The following DPPA2 variants were observed in gnomAD, a reference collection of about 807,000 sequenced individuals.
DPPA2 encodes developmental pluripotency associated 2, also known as developmental pluripotency-associated protein 2.
DPPA2 carries 26 observed loss-of-function variants against 36.2 expected under a neutral mutation model. That is an observed-to-expected ratio of 0.72 (90% CI 0.53 to 1.00). The LOEUF (loss-of-function observed/expected upper bound fraction) is 1.00. Ranked by LOEUF, DPPA2 falls within the 50% of genes least tolerant of loss-of-function variation. DPPA2 has a pLI of 0.00. For synonymous variants in DPPA2, 113 were observed against 123.2 expected (o/e 0.92, Z 0.55); for missense variants, 361 against 365.1 (o/e 0.99, Z 0.09).
intron 3 of DPPA2, among the ~76,000 whole-genome samples, chr3:109,310,171 T>C (rs1404406535): frequency 2.1e-5 from 3 of 144,022 alleles, no homozygotes; most frequent in Admixed American, 7.2e-5. Flanking sequence ...GAGGTTGTGG[T>C]GAGCCAAGAT....
chr3:109,298,049 T>A (rs1301209242), intron 8 of DPPA2, among the ~76,000 whole-genome samples: 3 of 152,128 alleles, frequency 2.0e-5, no homozygotes, highest in Non-Finnish European at 4.4e-5. Context: ...AGTTCAAGGC[T>A]GCAATGAGCT....
chr3:109,304,341 T>TTTTTGCCTATTTTGCCTA lies in DPPA2; in HGVS notation c.854+133_854+134insTAGGCAAAATAGGCAAAA, dbSNP rs1707509740. ...ACTAGTGAGTTCTTCTTGCATCCTA[T>TTTTTGCCTATTTTGCCTA]TTTTGCCTGATCTATGTGGCAAATT... On this transcript the variant is annotated intron_variant, in intron 7 of 8. Transcript: ENST00000478945. 4 of 865,316 alleles carry TTTTTGCCTATTTTGCCTA rather than the reference T, an allele frequency of 4.6e-6. No homozygotes were observed. In the South Asian group the frequency reaches 8.2e-5, roughly 18 times the overall value. 53.6% of individuals were successfully genotyped at this position (865,316 alleles called of 1,614,324 possible).
At chr3:109,307,780 G>C (rs1707605725) in intron 6 of DPPA2, among the ~76,000 whole-genome samples, 2 of 152,038 alleles carry the variant, frequency 1.3e-5, no homozygotes, top group Non-Finnish European at 2.9e-5. Flanking sequence ...TCAGACTGTG[G>C]TCCAAGATTA....
intron 3 of DPPA2, among the ~76,000 whole-genome samples, chr3:109,310,654 C>T (rs532931792): frequency 1.3e-4 from 20 of 149,488 alleles, no homozygotes; most frequent in South Asian, 1.1e-3. Flanking sequence ...TACAGGCACG[C>T]GCCACCATGC....
intron 1 of DPPA2, among the ~76,000 whole-genome samples, chr3:109,315,941 G>C (rs1404340935): frequency 6.6e-6 from 1 of 152,164 alleles, no homozygotes; most frequent in Admixed American, 6.5e-5. Context: ...GTTTACTGAG[G>C]AACTGATTGG....
chr3:109,308,365 ATTCT>A lies in DPPA2; in HGVS notation c.397-76_397-73del. 8 of 1,508,878 alleles carry A rather than the reference ATTCT, an allele frequency of 5.3e-6. No homozygotes were observed. In the South Asian group the frequency reaches 1.1e-4, roughly 20 times the overall value. The allele number at this position is 1,508,878 out of a possible 1,614,324, so 93.5% of individuals were successfully genotyped here. A position where few individuals can be genotyped will look rare whatever the true frequency, so the allele number is the denominator to read the frequency against. On this transcript the variant is annotated intron_variant, in intron 5 of 8. Coordinates refer to ENST00000478945, the MANE Select transcript of DPPA2 (RefSeq NM_138815.4). Reference sequence around the variant, plus strand: ...TAAGGACTTTTGGGTCAATTTTATTATTCTTTTTTTTTTTGAGACGGAGTCTCGC... The same window carrying A: ...TAAGGACTTTTGGGTCAATTTTATTATTTTTTTTTTGAGACGGAGTCTCGC...
chr3:109,304,366 TAAG>T (rs1353735494), intron 7 of DPPA2, 106 bp downstream of exon 7: 2 of 1,187,282 alleles, frequency 1.7e-6, no homozygotes, highest in East Asian at 2.7e-5. Flanking sequence ...TGTGGCAAAT[TAAG>T]AAGACAGCAT....
At chr3:109,304,357 G>C (rs1277835241) in intron 7 of DPPA2, 118 bp downstream of exon 7, 1 of 1,072,530 alleles carries the variant, frequency 9.3e-7, no homozygotes, top group Non-Finnish European at 1.3e-6. Context: ...CCTGATCTAT[G>C]TGGCAAATTA....
intron 2 of DPPA2, among the ~76,000 whole-genome samples, chr3:109,313,152 T>A (rs1707737898): frequency 6.6e-6 from 1 of 152,256 alleles, no homozygotes; most frequent in Admixed American, 6.5e-5. Flanking sequence ...CTGCTATTTC[T>A]GCACCGATTG....
In DPPA2 at chr3:109,304,592, C is replaced by G. The variant is rs1362222184; in HGVS notation, c.737G>C (p.Gly246Ala). ...GTGAGTGGTAGGCACCCAGGCCTGA[C>G]CTGCATGAAACTGCAGGCGTACCCA... Reference protein sequence around the residue: ...KGWVRLQFHAGQAWVPTTHRR... With the variant: ...KGWVRLQFHAAQAWVPTTHRR... Residue 246 changes from glycine (G) to alanine (A), a missense_variant, in exon 7 of 9, where the codon GGT becomes GCT. Gly to Ala is a moderately conservative substitution (Grantham distance 60). Coordinates refer to ENST00000478945, the MANE Select transcript of DPPA2 (RefSeq NM_138815.4). 1 of 1,614,052 alleles carries G rather than the reference C, an allele frequency of 6.2e-7. No individual in the cohort carries two copies.
chr3:109,301,040 G>C (rs1226050975), intron 7 of DPPA2, among the ~76,000 whole-genome samples: 1 of 148,836 alleles, frequency 6.7e-6, no homozygotes, highest in Non-Finnish European at 1.5e-5. Flanking sequence ...CTGGAGTGCA[G>C]TGGCACTATC....
At chr3:109,299,647 T>C (rs1371044433) in intron 8 of DPPA2, among the ~76,000 whole-genome samples, 9 of 149,820 alleles carry the variant, frequency 6.0e-5, no homozygotes, top group Non-Finnish European at 1.3e-4. Flanking sequence ...GATCTCATCA[T>C]TGTACTCCAG....
chr3:109,301,161 T>C (rs1214018599), intron 7 of DPPA2, among the ~76,000 whole-genome samples: 2 of 151,600 alleles, frequency 1.3e-5, no homozygotes, highest in Non-Finnish European at 1.5e-5. Context: ...TTTTTTTATA[T>C]AGAGACAGGG....
At chr3:109,307,305 T>C (rs1707589738) in intron 6 of DPPA2, among the ~76,000 whole-genome samples, 1 of 151,878 alleles carries the variant, frequency 6.6e-6, no homozygotes, top group Non-Finnish European at 1.5e-5. Context: ...CTTCATTTTA[T>C]ATAACAGGAT....
At chr3:109,308,420 T>C in intron 5 of DPPA2, 127 bp from the exon 6 acceptor site, 1 of 1,284,738 alleles carries the variant, frequency 7.8e-7, no homozygotes, top group Non-Finnish European at 1.0e-6. Context: ...TGGAGTGCAA[T>C]GGCACGATCT....
At position 109,312,721 on chromosome 3, in the gene DPPA2, C is replaced by A. The variant is rs774576571; in HGVS notation, c.34-29G>T. 2.5e-6 allele frequency: 4 copies of A among 1,610,678 alleles called. No individual in the cohort carries two copies. The East Asian group carries it at 8.9e-5, about 36-fold the overall frequency. ...GAAAGAGAAGTCAGTCACTGATTTT[C>A]ATTTGATGCGGTACAACTAAACTGC... On this transcript the variant is annotated intron_variant, in intron 2 of 8. Coordinates refer to ENST00000478945, the MANE Select transcript of DPPA2 (RefSeq NM_138815.4).
chr3:109,315,031 A>T (rs1032235134), intron 1 of DPPA2, among the ~76,000 whole-genome samples: 1 of 152,160 alleles, frequency 6.6e-6, no homozygotes, highest in African/African-American at 2.4e-5. Context: ...GCACCACTGC[A>T]CTCCAGCTTC....
At position 109,304,271 on chromosome 3, in the gene DPPA2, C is replaced by G. The variant is rs191012886; in HGVS notation, c.854+204G>C. ...CTGGGCGAGAAGAGCAAAACTCCAT[C>G]TCAAAAAAAAAAAAGAACTAGCCAC... On this transcript the variant is annotated intron_variant, in intron 7 of 8. Coordinates refer to ENST00000478945, the MANE Select transcript of DPPA2 (RefSeq NM_138815.4). 8.2e-4 allele frequency among the ~76,000 whole-genome samples: 123 copies of G among 149,888 alleles called. 1 individual carries two copies. The highest frequency in any genetic ancestry group is 2.7e-3 in the African/African-American group (111 of 40,872).
intron 6 of DPPA2, among the ~76,000 whole-genome samples, chr3:109,306,482 T>C (rs76875062): frequency 0.012 from 1,842 of 152,180 alleles, 41 homozygotes; most frequent in African/African-American, 0.041. Flanking sequence ...GAATAATGTG[T>C]CCTACCATAC....
Sources: gnomAD v4.1 joint callset for allele counts (sites outside exome capture counted in the v4.1 genomes callset) on GRCh38, gnomAD v4.1.1 for gene constraint, MANE v1.5 for transcripts, NCBI Gene and HGNC (gene_info 2026-07-23, HGNC 2026-07-21) for gene names.